The following TIAM2 variants were observed in gnomAD, a reference collection of about 807,000 sequenced individuals.
The protein encoded by TIAM2 is rho guanine nucleotide exchange factor TIAM2.
In TIAM2, 80 loss-of-function variants were observed where a neutral mutation model predicts 152.9. The ratio of observed to expected loss-of-function variants is 0.52; its 90% confidence interval spans 0.44 to 0.63. The LOEUF (loss-of-function observed/expected upper bound fraction) is 0.63. Ranked by LOEUF, TIAM2 falls within the 30% of genes least tolerant of loss-of-function variation. The pLI is 0.00. For synonymous variants in TIAM2, 804 were observed against 838.0 expected (o/e 0.96, Z 0.70); for missense variants, 1,965 against 2,120.1 (o/e 0.93, Z 1.44).
intron 1 of TIAM2, among the ~76,000 whole-genome samples, chr6:155,051,266 C>T (rs1284636369): frequency 4.6e-5 from 7 of 152,046 alleles, no homozygotes; most frequent in East Asian, 3.9e-4. Context: ...GAAGGCACAG[C>T]GCGTAATGGA....
intron 15 of TIAM2, among the ~76,000 whole-genome samples, chr6:155,231,135 C>A (rs1782458066): frequency 6.6e-6 from 1 of 152,200 alleles, no homozygotes; most frequent in African/African-American, 2.4e-5. Flanking sequence ...AGCCACTGCA[C>A]CCGGCCCTAC....
Position 155,139,482 on chromosome 6 carries a change from T to C in TIAM2, c.1630+1870T>C, listed in dbSNP as rs143149752. ...AAGAACGTCCCCAGTTTTTCCATAC[T>C]GGCGAGGCAGATTTCTGTATTGAAT... On this transcript the variant is annotated intron_variant, in intron 5 of 26. Coordinates refer to ENST00000682666, the MANE Select transcript of TIAM2 (RefSeq NM_012454.4). 1.5e-3 allele frequency among the ~76,000 whole-genome samples: 232 copies of C among 152,322 alleles called. 1 individual carries two copies. In the Middle Eastern group the frequency reaches 0.065, roughly 43 times the overall value.
At chr6:155,178,323 C>T (rs914387503) in intron 10 of TIAM2, among the ~76,000 whole-genome samples, 9 of 151,964 alleles carry the variant, frequency 5.9e-5, no homozygotes, top group African/African-American at 2.2e-4. Context: ...TGGAGTAGGA[C>T]ATTCTTAAGT....
intron 2 of TIAM2, among the ~76,000 whole-genome samples, chr6:155,121,254 A>C (rs1779143325): frequency 6.6e-6 from 1 of 152,212 alleles, no homozygotes; most frequent in Non-Finnish European, 1.5e-5. Flanking sequence ...AGGTAATGAC[A>C]GACCTGAAAC....
intron 2 of TIAM2, among the ~76,000 whole-genome samples, chr6:155,100,072 C>T (rs1778521718): frequency 6.6e-6 from 1 of 152,094 alleles, no homozygotes; most frequent in Non-Finnish European, 1.5e-5. Flanking sequence ...CACTGTGATG[C>T]TGCACATGAC....
chr6:155,045,183 C>T (rs545383395), intron 1 of TIAM2, among the ~76,000 whole-genome samples: 3 of 151,904 alleles, frequency 2.0e-5, no homozygotes, highest in East Asian at 1.9e-4. Context: ...TCTCCTGCCT[C>T]GGCCTCCGTA....
intron 14 of TIAM2, among the ~76,000 whole-genome samples, chr6:155,206,567 G>A (rs905955330): frequency 1.3e-5 from 2 of 152,170 alleles, no homozygotes; most frequent in African/African-American, 2.4e-5. Context: ...AGAGATGGCC[G>A]AGCCTGGTCT....
chr6:155,238,541 C>T (rs1376756216), intron 15 of TIAM2, among the ~76,000 whole-genome samples: 1 of 152,226 alleles, frequency 6.6e-6, no homozygotes. Context: ...AGGGTCTCAC[C>T]CTTACTTGCC....
At chr6:155,232,840 C>T (rs62428923) in intron 15 of TIAM2, 64,747 of 152,016 alleles carry the variant, frequency 0.43, 14,692 homozygotes, top group Middle Eastern at 0.56. Flanking sequence ...CGGATCCTCC[C>T]CCAACATACT....
intron 14 of TIAM2, among the ~76,000 whole-genome samples, chr6:155,185,490 T>A (rs13197196): frequency 4.8e-5 from 7 of 145,956 alleles, no homozygotes; most frequent in African/African-American, 1.0e-4. Flanking sequence ...GTTAAGCCAC[T>A]TTTATTTATT....
intron 1 of TIAM2, among the ~76,000 whole-genome samples, chr6:155,027,175 T>C (rs1776621636): frequency 6.6e-6 from 1 of 151,542 alleles, no homozygotes; most frequent in Non-Finnish European, 1.5e-5. Context: ...AGCTGGGACA[T>C]GCCACCATGC....
chr6:155,129,502 G>C lies in TIAM2; in HGVS notation c.279G>C (p.Thr93=). 1 of 1,614,072 alleles carries C rather than the reference G, an allele frequency of 6.2e-7. No homozygotes were observed. Among genetic ancestry groups the C allele is most frequent in the Admixed American group, 1.7e-5 (1 of 60,016 alleles). Residue 93 remains threonine, a synonymous_variant, in exon 4 of 27, where the codon ACG becomes ACC. Coordinates refer to ENST00000682666, the MANE Select transcript of TIAM2 (RefSeq NM_012454.4). This position sits in a 1 kb window ranked among gnomAD's most constrained non-coding sequence, Gnocchi z 4.8. ...TCTCCAGAGGTGTTGCCTACTCCACGCACAGGACAAATGCCCCAGGGAAGG... is the reference window on the plus strand; with the variant it reads ...TCTCCAGAGGTGTTGCCTACTCCACCCACAGGACAAATGCCCCAGGGAAGG... ...CKVSRGVAYS[T]HRTNAPGKDF...
intron 3 of TIAM2, among the ~76,000 whole-genome samples, chr6:155,128,342 G>C (rs1779345177): frequency 1.3e-5 from 2 of 152,028 alleles, no homozygotes; most frequent in African/African-American, 2.4e-5. Context: ...GGACTTCCAG[G>C]CCTTTTTCTT....
chr6:155,116,895 A>T (rs1483846468), intron 2 of TIAM2, among the ~76,000 whole-genome samples: 1 of 152,158 alleles, frequency 6.6e-6, no homozygotes, highest in Non-Finnish European at 1.5e-5. Context: ...CATTTAAAAG[A>T]CATGCTAACA....
At chr6:155,168,761 AG>A (rs1780503888) in intron 9 of TIAM2, 7 of 1,141,562 alleles carry the variant, frequency 6.1e-6, no homozygotes, top group Non-Finnish European at 8.5e-6. Flanking sequence ...ATAGAACTTT[AG>A]TTTTTAAATA....
intron 7 of TIAM2, among the ~76,000 whole-genome samples, chr6:155,152,693 G>A (rs575296331): frequency 9.2e-5 from 14 of 152,212 alleles, no homozygotes; most frequent in African/African-American, 3.1e-4. Context: ...CATAATCGTA[G>A]TCGAAGGGAT....
chr6:155,059,566 C>A (rs2114936289), intron 1 of TIAM2, among the ~76,000 whole-genome samples: 1 of 152,124 alleles, frequency 6.6e-6, no homozygotes, highest in African/African-American at 2.4e-5. Context: ...TCCACCCAGC[C>A]CGGCCTCCCA....
At chr6:155,251,769 G>A (rs113089857) in intron 22 of TIAM2, among the ~76,000 whole-genome samples, 176 bp from the exon 23 acceptor site, 28 of 152,318 alleles carry the variant, frequency 1.8e-4, no homozygotes, top group African/African-American at 6.5e-4. Flanking sequence ...AGGTGCTTCT[G>A]CATAGTTCAA....
chr6:155,134,404 C>A (rs1465537618), intron 4 of TIAM2, among the ~76,000 whole-genome samples: 4 of 145,534 alleles, frequency 2.7e-5, no homozygotes, highest in Non-Finnish European at 6.0e-5. Context: ...CCCACCCCCC[C>A]CCATTTCTGA....
Sources: gnomAD v4.1 joint callset for allele counts (sites outside exome capture counted in the v4.1 genomes callset) on GRCh38, gnomAD v4.1.1 for gene constraint, Gnocchi (gnomAD v3.1) non-coding constraint, MANE v1.5 for transcripts, NCBI Gene and HGNC (gene_info 2026-07-23, HGNC 2026-07-21) for gene names.